PEAK1: variants seen among roughly 807,000 people sequenced by gnomAD.
PEAK1 encodes the protein pseudopodium enriched atypical kinase 1.
PEAK1 carries 54 observed loss-of-function variants against 124.7 expected under a neutral mutation model. That is an observed-to-expected ratio of 0.43 (90% confidence interval 0.35 to 0.54). The LOEUF (loss-of-function observed/expected upper bound fraction) is 0.54. PEAK1 is among the 20% of genes least tolerant of loss of function. The pLI is 0.01. For synonymous variants in PEAK1, 719 were observed against 760.0 expected (o/e 0.95, Z 0.89); for missense variants, 2,046 against 2,134.5 (o/e 0.96, Z 0.82).
At chr15:77,414,355 G>T (rs1441343301) in intron 1 of PEAK1, among the ~76,000 whole-genome samples, 1 of 149,928 alleles carries the variant, frequency 6.7e-6, no homozygotes, top group Non-Finnish European at 1.5e-5. Context: ...GACTACAGGT[G>T]TGCACCACCA....
intron 5 of PEAK1, among the ~76,000 whole-genome samples, chr15:77,265,562 T>C (rs1343632286): frequency 5.3e-5 from 8 of 152,148 alleles, no homozygotes; most frequent in Admixed American, 5.2e-4. Flanking sequence ...TGAGATACCA[T>C]CTCACACCAG....
At chr15:77,312,450 TAAAC>T (rs896063374) in intron 2 of PEAK1, among the ~76,000 whole-genome samples, 5 of 152,186 alleles carry the variant, frequency 3.3e-5, no homozygotes, top group Admixed American at 2.6e-4. Context: ...ATTTTATAAA[TAAAC>T]AAATAACAAT....
intron 1 of PEAK1, among the ~76,000 whole-genome samples, chr15:77,410,079 T>G (rs1187006477): frequency 6.6e-6 from 1 of 151,282 alleles, no homozygotes; most frequent in East Asian, 1.9e-4. Flanking sequence ...GTGTGTGTTT[T>G]TTTTTTTTTT....
intron 6 of PEAK1, among the ~76,000 whole-genome samples, chr15:77,215,238 T>G (rs1012261627): frequency 6.6e-6 from 1 of 152,188 alleles, no homozygotes; most frequent in Non-Finnish European, 1.5e-5. Context: ...CCATTTTAAA[T>G]TGGGTTTGCT....
chr15:77,358,370 T>A (rs1188495644), intron 2 of PEAK1, among the ~76,000 whole-genome samples: 4 of 152,162 alleles, frequency 2.6e-5, no homozygotes, highest in African/African-American at 9.7e-5. Flanking sequence ...TCATCTCCCA[T>A]TCACTGCTAA....
At chr15:77,326,072 A>G (rs530616918) in intron 2 of PEAK1, among the ~76,000 whole-genome samples, 2 of 152,180 alleles carry the variant, frequency 1.3e-5, no homozygotes, top group Non-Finnish European at 2.9e-5. Flanking sequence ...TGTAAGAGAA[A>G]TCTGATCTCA....
exon 7 of PEAK1, chr15:77,103,001 TTTG>T (rs2050709667): frequency 6.6e-6 from 1 of 152,240 alleles, no homozygotes. Context: ...TTTCTCATAT[TTTG>T]TTGTTTAGTC....
At chr15:77,193,138 A>C (rs540210307) in intron 6 of PEAK1, among the ~76,000 whole-genome samples, 1 of 152,338 alleles carries the variant, frequency 6.6e-6, no homozygotes, top group Non-Finnish European at 1.5e-5. Flanking sequence ...GAGACAAATG[A>C]AGTTGGAGTC....
intron 9 of PEAK1, among the ~76,000 whole-genome samples, chr15:77,129,160 C>T (rs2052632415): frequency 6.6e-6 from 1 of 152,240 alleles, no homozygotes; most frequent in South Asian, 2.1e-4. Context: ...TCCCTCACTC[C>T]TTGCCATGTG....
chr15:77,114,671 G>A lies in PEAK1; in HGVS notation c.4726C>T (p.Arg1576Cys), dbSNP rs781337850. 8 of 1,613,708 alleles carry A rather than the reference G, an allele frequency of 5.0e-6. No individual in the cohort carries two copies. The highest frequency in any genetic ancestry group is 2.7e-5 in the African/African-American group (2 of 74,800). The change falls in exon 10 of 10, where the codon CGC (arginine) becomes TGC (cysteine). Residue 1576 changes from arginine to cysteine, a missense_variant. By Grantham distance (180) the Arg-to-Cys change is radical. Coordinates refer to ENST00000682557, the MANE Select transcript of PEAK1 (RefSeq NM_001385026.1). The stretch of plus-strand genomic sequence containing the variant: ...GCTGTTATGATCTCTGGGGCAAGGC[G>A]AGACTGGTCCCGGAGGATCTCGGGG... ...VDPEILRDQS[R>C]LAPEIITATQ...
chr15:77,122,805 G>T (rs186288253), intron 9 of PEAK1, among the ~76,000 whole-genome samples: 7 of 152,306 alleles, frequency 4.6e-5, no homozygotes, highest in African/African-American at 1.7e-4. Flanking sequence ...TTATGAAAGT[G>T]GAAGTGGTTT....
chr15:77,356,697 C>G (rs2067539150), intron 2 of PEAK1, among the ~76,000 whole-genome samples: 1 of 152,062 alleles, frequency 6.6e-6, no homozygotes, highest in Non-Finnish European at 1.5e-5. Flanking sequence ...CAACAATAAC[C>G]CAGTTTTTAT....
intron 6 of PEAK1, among the ~76,000 whole-genome samples, chr15:77,192,707 G>A (rs536095160): frequency 1.3e-5 from 2 of 152,146 alleles, no homozygotes; most frequent in South Asian, 2.1e-4. Flanking sequence ...CATTCCTATC[G>A]TAACCACTCA....
At chr15:77,414,478 TGCTGGGACTACAG>T (rs1447133944) in intron 1 of PEAK1, among the ~76,000 whole-genome samples, 1 of 151,610 alleles carries the variant, frequency 6.6e-6, no homozygotes, top group Non-Finnish European at 1.5e-5. Context: ...CCTCCCAAAG[TGCTGGGACTACAG>T]GTATGACCCA....
chr15:77,194,419 G>T (rs2058006259), intron 6 of PEAK1, among the ~76,000 whole-genome samples: 1 of 152,084 alleles, frequency 6.6e-6, no homozygotes, highest in Non-Finnish European at 1.5e-5. Flanking sequence ...TGCTCTTTGT[G>T]ATCTGCTACT....
intron 2 of PEAK1, among the ~76,000 whole-genome samples, chr15:77,324,489 GT>G: frequency 6.6e-6 from 1 of 152,080 alleles, no homozygotes; most frequent in Admixed American, 6.5e-5. Flanking sequence ...ATAAAATACT[GT>G]TTTTATACCA....
intron 5 of PEAK1, chr15:77,278,771 G>A (rs991025568): frequency 7.8e-5 from 34 of 434,912 alleles, no homozygotes; most frequent in African/African-American, 7.0e-4. Flanking sequence ...TGTACTTCTG[G>A]TGACTATACA....
chr15:77,188,592 T>A (rs998583808), intron 6 of PEAK1, among the ~76,000 whole-genome samples: 2 of 152,178 alleles, frequency 1.3e-5, no homozygotes, highest in African/African-American at 4.8e-5. Flanking sequence ...TAGTCTTTTA[T>A]AGTTTTATTT....
intron 1 of PEAK1, among the ~76,000 whole-genome samples, chr15:77,398,373 C>G (rs746551457): frequency 2.0e-5 from 3 of 152,142 alleles, no homozygotes; most frequent in Non-Finnish European, 2.9e-5. Flanking sequence ...CAACAAAATA[C>G]TAGCAAACTG....
Sources: gnomAD v4.1 joint callset for allele counts (sites outside exome capture counted in the v4.1 genomes callset) on GRCh38, gnomAD v4.1.1 for gene constraint, MANE v1.5 for transcripts, NCBI Gene and HGNC (gene_info 2026-07-23, HGNC 2026-07-21) for gene names.